The following HPGD variants were observed in gnomAD, a reference collection of about 807,000 sequenced individuals.
HPGD encodes the protein 15-hydroxyprostaglandin dehydrogenase, also known as 15-hydroxyprostaglandin dehydrogenase [NAD(+)].
A neutral mutation model predicts 30.0 loss-of-function variants in HPGD; 29 were observed. The observed-to-expected ratio is 0.97, with a 90% confidence interval of 0.72 to 1.32. The LOEUF (loss-of-function observed/expected upper bound fraction) is 1.32. Ranked by LOEUF, HPGD falls within the 40% of genes most tolerant of loss-of-function variation. The probability of loss-of-function intolerance (pLI) is 0.00; values close to 1 mark genes in which losing one functional copy is unlikely to be tolerated. For missense variants in HPGD, 340 were observed against 322.1 expected, an observed-to-expected ratio of 1.06 and a Z score of -0.43; for synonymous variants, 99 against 112.4, an observed-to-expected ratio of 0.88 and a Z score of 0.75.
At chr4:174,495,385 T>G in intron 5 of HPGD, 163 bp downstream of exon 5, 1 of 641,194 alleles carries the variant, frequency 1.6e-6, no homozygotes, top group Non-Finnish European at 2.8e-6. Context: ...ATTATTTATT[T>G]GGTTCTTTAT....
Position 174,493,630 on chromosome 4 carries a change from C to T in HPGD, c.499-316G>A, listed in dbSNP as rs573697911. On this transcript the variant is annotated intron_variant, in intron 5 of 6. Transcript: ENST00000296522. The stretch of plus-strand genomic sequence containing the variant: ...AAGCTAAGTAGCTGAGACTTAGAAT[C>T]GATATCCCAAGTGTTATTTCAAATA... 5.3e-5 allele frequency among the ~76,000 whole-genome samples: 8 copies of T among 152,062 alleles called. No homozygotes were observed. The South Asian group carries it at 1.2e-3, about 24-fold the overall frequency.
Position 174,496,386 on chromosome 4 carries a change from T to C in HPGD, c.422-762A>G, listed in dbSNP as rs1015212317. 1.3e-5 allele frequency among the ~76,000 whole-genome samples: 2 copies of C among 150,642 alleles called. No homozygotes were observed. Among genetic ancestry groups the C allele is most frequent in the African/African-American group, 4.9e-5 (2 of 41,004 alleles). The stretch of plus-strand genomic sequence containing the variant: ...TCTGGAGAGAAAAAACAGTATAGCA[T>C]ATACCTATAGCATCTCTTCTCCCCC... On this transcript the variant is annotated intron_variant, in intron 4 of 6. Coordinates refer to ENST00000296522, the MANE Select transcript of HPGD (RefSeq NM_000860.6). The surrounding 1 kb of genome is among the most constrained non-coding windows in gnomAD (Gnocchi z 4.6).
intron 4 of HPGD, among the ~76,000 whole-genome samples, chr4:174,505,382 G>C (rs544287131): frequency 6.6e-6 from 1 of 152,260 alleles, no homozygotes; most frequent in Admixed American, 6.5e-5. Flanking sequence ...CTGTGAGGAA[G>C]CAAGGTTTGG....
At chr4:174,495,679 T>G in intron 4 of HPGD, 55 bp from the exon 5 acceptor site, 1 of 1,138,850 alleles carries the variant, frequency 8.8e-7, no homozygotes, top group Non-Finnish European at 1.3e-6. Context: ...AAGTAGACTA[T>G]ACCCAGTAAT....
At chr4:174,498,600 T>A (rs1477766848) in intron 4 of HPGD, among the ~76,000 whole-genome samples, 1 of 152,248 alleles carries the variant, frequency 6.6e-6, no homozygotes, top group African/African-American at 2.4e-5. Context: ...GTATAAATTA[T>A]ATTGTTGTCT....
At chr4:174,519,711 G>A (rs1177099517) in intron 2 of HPGD, among the ~76,000 whole-genome samples, 6 of 152,128 alleles carry the variant, frequency 3.9e-5, no homozygotes, top group African/African-American at 1.2e-4. Flanking sequence ...GCCCACCAGC[G>A]GGCAACCCCC....
intron 2 of HPGD, among the ~76,000 whole-genome samples, chr4:174,519,793 G>T (rs1208951475): frequency 6.6e-6 from 1 of 151,736 alleles, no homozygotes; most frequent in Non-Finnish European, 1.5e-5. Flanking sequence ...TCTCTTTTCC[G>T]ACTCAGCCAG....
chr4:174,501,406 T>C (rs1734892714), intron 4 of HPGD, among the ~76,000 whole-genome samples: 1 of 152,178 alleles, frequency 6.6e-6, no homozygotes, highest in East Asian at 1.9e-4. Flanking sequence ...GGCATTTTGT[T>C]TAACATTGTG....
chr4:174,502,632 T>C (rs557279095), intron 4 of HPGD, among the ~76,000 whole-genome samples: 4 of 130,844 alleles, frequency 3.1e-5, no homozygotes, highest in East Asian at 2.5e-4. Context: ...GAGCCGAGAT[T>C]GCGCCACCGC....
chr4:174,502,605 A>AGG (rs1734971091), intron 4 of HPGD, among the ~76,000 whole-genome samples: 3 of 148,628 alleles, frequency 2.0e-5, no homozygotes, highest in Non-Finnish European at 4.5e-5. Flanking sequence ...GTGAACCCGA[A>AGG]AGGCGGAGCT....
intron 4 of HPGD, among the ~76,000 whole-genome samples, chr4:174,503,814 C>G (rs1409867657): frequency 2.0e-5 from 3 of 151,898 alleles, no homozygotes; most frequent in African/African-American, 7.3e-5. Context: ...CTTTGAACTC[C>G]TAGGCTGAAG....
rs896743563 is a variant in HPGD, at chr4:174,496,988, C to T, written c.422-1364G>A. Among the ~76,000 whole-genome samples, 2 of 152,156 alleles carry T rather than the reference C, an allele frequency of 1.3e-5. No homozygotes were observed. Among genetic ancestry groups the T allele is most frequent in the Non-Finnish European group, 1.5e-5 (1 of 68,034 alleles). On this transcript the variant is annotated intron_variant, in intron 4 of 6. Transcript: ENST00000296522. The surrounding 1 kb of genome is among the most constrained non-coding windows in gnomAD (Gnocchi z 4.6). ...GTAAGTTAATTAAGTTTGTCAGTGT[C>T]AGTCAACAAGAATTTATGATGTTTC...
rs760908738 is a variant in HPGD at position 174,522,071 on chromosome 4, T to C, written c.94-4A>G. ...GATTCCAATCCACCAGCGCTACCTA[T>C]AGACAAGAGGAGAGGAATCGCGGGC... On this transcript the variant is annotated splice_polypyrimidine_tract_variant and splice_region_variant and intron_variant, in intron 1 of 6. Coordinates refer to ENST00000296522, the MANE Select transcript of HPGD (RefSeq NM_000860.6). 1.6e-5 allele frequency: 26 copies of C among 1,614,008 alleles called. No individual in the cohort carries two copies. The highest frequency in any genetic ancestry group is 1.0e-4 in the Admixed American group (6 of 60,002).
intron 4 of HPGD, among the ~76,000 whole-genome samples, chr4:174,503,130 C>T (rs1383540876): frequency 1.3e-5 from 2 of 152,180 alleles, no homozygotes; most frequent in African/African-American, 2.4e-5. Context: ...TTAATCATTC[C>T]TACTGATTAC....
Position 174,491,914 on chromosome 4 carries a change from C to G in HPGD, c.*42G>C. The G allele has an allele frequency of 6.4e-7, 1 of 1,553,008 alleles. No individual in the cohort carries two copies. Among genetic ancestry groups the G allele is most frequent in the Non-Finnish European group, 8.9e-7 (1 of 1,125,646 alleles). ...AATGAAGATAGGATCTGAATATAAG[C>G]TATTTGTGCTTATTTTCAGCTATGG... On this transcript the variant is annotated 3_prime_UTR_variant, in exon 7 of 7. Transcript: ENST00000296522.
rs2110871838 is a variant in HPGD at position 174,517,975 on chromosome 4, T to A, written c.320A>T (p.Asn107Ile). The change falls in exon 3 of 7, where the codon AAT (asparagine) becomes ATT (isoleucine). Residue 107 changes from asparagine (N) to isoleucine (I), a missense_variant. Physicochemically the swap from Asn to Ile is moderately radical, Grantham distance 149 (BLOSUM62 -3). Transcript: ENST00000296522. ...EKNWEKTLQI[N>I]LVSVISGTYL... ...AATATAGCTAAGATAACTCACCAAA[T>A]TAATTTGCAGAGTTTTTTCCCAGTT... is the stretch of plus-strand genomic sequence containing the variant. The A allele has an allele frequency of 6.7e-7, 1 of 1,496,594 alleles. No homozygotes were observed. The highest frequency in any genetic ancestry group is 1.1e-5 in the South Asian group (1 of 88,502). 92.7% of individuals were successfully genotyped at this position (1,496,594 alleles called of 1,614,324 possible).
intron 3 of HPGD, among the ~76,000 whole-genome samples, chr4:174,517,739 A>G (rs949599282): frequency 6.6e-6 from 1 of 152,158 alleles, no homozygotes; most frequent in African/African-American, 2.4e-5. Flanking sequence ...GAGTTAAGCA[A>G]TCATTTATAT....
intron 4 of HPGD, among the ~76,000 whole-genome samples, chr4:174,505,557 T>C (rs1735144063): frequency 6.6e-6 from 1 of 152,212 alleles, no homozygotes; most frequent in African/African-American, 2.4e-5. Flanking sequence ...CTTCTCCCAT[T>C]ATTACAATAT....
chr4:174,497,435 A>G (rs1476077687), intron 4 of HPGD, among the ~76,000 whole-genome samples: 3 of 152,136 alleles, frequency 2.0e-5, no homozygotes, highest in Non-Finnish European at 2.9e-5. Flanking sequence ...CTGGAATGTG[A>G]AAGAAATTGC....
Sources: allele counts gnomAD v4.1 joint callset (sites outside exome capture counted in the v4.1 genomes callset), GRCh38; gene constraint gnomAD v4.1.1; non-coding constraint Gnocchi (gnomAD v3.1); transcripts MANE v1.5; gene names NCBI Gene and HGNC (gene_info 2026-07-23, HGNC 2026-07-21).